The following FOCAD variants were observed in gnomAD, a reference collection of about 807,000 sequenced individuals.
FOCAD encodes focadhesin.
A neutral mutation model predicts 225.6 loss-of-function variants in FOCAD; 198 were observed. The ratio of observed to expected loss-of-function variants is 0.88; its 90% CI spans 0.78 to 0.99. The LOEUF (loss-of-function observed/expected upper bound fraction) is 0.99. FOCAD is among the 50% of genes least tolerant of loss of function. FOCAD has a pLI of 0.00. For missense variants in FOCAD, 2,713 were observed against 2,123.6 expected, an observed-to-expected ratio of 1.28 and a Z score of -5.46; for synonymous variants, 897 against 755.0, an observed-to-expected ratio of 1.19 and a Z score of -3.08.
At chr9:20,678,152 G>A (rs557545009) in intron 2 of FOCAD, among the ~76,000 whole-genome samples, 27 of 152,218 alleles carry the variant, frequency 1.8e-4, no homozygotes, top group African/African-American at 6.3e-4. Context: ...CTATCCCTTG[G>A]TGCTGGGAAC....
At chr9:20,801,655 G>T (rs10964709) in intron 11 of FOCAD, among the ~76,000 whole-genome samples, 1 of 152,002 alleles carries the variant, frequency 6.6e-6, no homozygotes, top group East Asian at 1.9e-4. Flanking sequence ...AAAGAATGGA[G>T]TAAAATACAT....
Position 20,823,003 on chromosome 9 carries a change from G to A in FOCAD, c.1808G>A (p.Gly603Asp), listed in dbSNP as rs1176874509. The change falls in exon 15 of 44, where the codon GGT becomes GAT. Residue 603 changes from glycine to aspartate, a missense_variant. By Grantham distance (94) the Gly-to-Asp change is moderately conservative. Transcript: ENST00000338382. ...DICKQRPYQH[G>D]ADMLAAISQV... Reference sequence around the variant, plus strand: ...ATTTCTTGTAGGCCATATCAACATGGTGCAGATATGTTGGCAGCTATTTCT... The same window carrying A: ...ATTTCTTGTAGGCCATATCAACATGATGCAGATATGTTGGCAGCTATTTCT... 3.7e-6 allele frequency: 6 copies of A among 1,603,434 alleles called. No homozygotes were observed. Among genetic ancestry groups the A allele is most frequent in the African/African-American group, 1.3e-5 (1 of 74,130 alleles).
At chr9:20,801,300 T>A (rs1040637135) in intron 11 of FOCAD, among the ~76,000 whole-genome samples, 1 of 152,124 alleles carries the variant, frequency 6.6e-6, no homozygotes, top group Non-Finnish European at 1.5e-5. Context: ...TTACAAGCAA[T>A]GCCGTTGAAA....
At chr9:20,917,823 A>C (rs1834001584) in intron 24 of FOCAD, among the ~76,000 whole-genome samples, 2 of 152,206 alleles carry the variant, frequency 1.3e-5, no homozygotes, top group South Asian at 2.1e-4. Context: ...TCTACCTTAG[A>C]GTTAGCTTTC....
chr9:20,868,045 G>A (rs531416761), intron 18 of FOCAD, among the ~76,000 whole-genome samples: 21 of 152,172 alleles, frequency 1.4e-4, no homozygotes, highest in Admixed American at 5.2e-4. Context: ...TAGATTGACC[G>A]CTTGTCATGC....
chr9:20,815,135 T>TG (rs1823559996), intron 11 of FOCAD, among the ~76,000 whole-genome samples: 2 of 41,490 alleles, frequency 4.8e-5, no homozygotes, highest in African/African-American at 9.1e-5. Flanking sequence ...TTTTTTTTTT[T>TG]TGTTTTTTTT....
chr9:20,785,012 G>A (rs1421492484), intron 10 of FOCAD, among the ~76,000 whole-genome samples: 1 of 151,754 alleles, frequency 6.6e-6, no homozygotes, highest in Non-Finnish European at 1.5e-5. Context: ...TGGTAAAATG[G>A]GCAACAAAAC....
intron 19 of FOCAD, among the ~76,000 whole-genome samples, chr9:20,881,537 G>A (rs1830666023): frequency 6.6e-6 from 1 of 152,140 alleles, no homozygotes; most frequent in Non-Finnish European, 1.5e-5. Flanking sequence ...GTTTGTATGA[G>A]GAGGACAAAA....
At chr9:20,721,673 G>T (rs921779470) in intron 4 of FOCAD, among the ~76,000 whole-genome samples, 2 of 152,146 alleles carry the variant, frequency 1.3e-5, no homozygotes, top group Non-Finnish European at 1.5e-5. Flanking sequence ...CTGCACTCCA[G>T]CCTGGGTGAC....
intron 15 of FOCAD, among the ~76,000 whole-genome samples, chr9:20,845,607 C>G (rs955301810): frequency 6.6e-6 from 1 of 151,802 alleles, no homozygotes; most frequent in African/African-American, 2.4e-5. Context: ...AACTGTAGCA[C>G]ATATCTCTGA....
intron 28 of FOCAD, among the ~76,000 whole-genome samples, chr9:20,933,887 T>TA (rs1263965222): frequency 2.0e-5 from 3 of 150,886 alleles, no homozygotes; most frequent in African/African-American, 7.3e-5. Context: ...ATTTTTTTTT[T>TA]ATTATGGCCA....
rs565421767 is a variant in FOCAD, at chr9:20,882,792, G to A, written c.2503+736G>A. The stretch of plus-strand genomic sequence containing the variant: ...GGCCAATTTCTCTCAAGTTATTTGC[G>A]ACATTTTGAAGCTTTATGGGATGGA... On this transcript the variant is annotated intron_variant, in intron 20 of 43. Transcript: ENST00000338382. Among the ~76,000 whole-genome samples the A allele has an allele frequency of 1.2e-4, 19 of 152,246 alleles. No individual in the cohort carries two copies. In the South Asian group the frequency reaches 3.7e-3, roughly 30 times the overall value.
At chr9:20,757,470 A>G (rs1275444052) in intron 5 of FOCAD, among the ~76,000 whole-genome samples, 2 of 152,182 alleles carry the variant, frequency 1.3e-5, no homozygotes, top group Non-Finnish European at 2.9e-5. Flanking sequence ...AGGTATCTTA[A>G]TAGAAGTAGC....
At chr9:20,785,011 G>C (rs1819769827) in intron 10 of FOCAD, among the ~76,000 whole-genome samples, 1 of 151,866 alleles carries the variant, frequency 6.6e-6, no homozygotes, top group Middle Eastern at 3.2e-3. Context: ...CTGGTAAAAT[G>C]GGCAACAAAA....
chr9:20,940,914 C>A (rs28609738), intron 28 of FOCAD, among the ~76,000 whole-genome samples: 7 of 152,054 alleles, frequency 4.6e-5, no homozygotes, highest in African/African-American at 1.2e-4. Flanking sequence ...GGACAGTATA[C>A]TGTGTATTTA....
At chr9:20,802,541 G>C (rs1821960045) in intron 11 of FOCAD, among the ~76,000 whole-genome samples, 1 of 151,986 alleles carries the variant, frequency 6.6e-6, no homozygotes, top group Non-Finnish European at 1.5e-5. Context: ...ACAGTTCTTG[G>C]GCTTTGGTAT....
intron 4 of FOCAD, among the ~76,000 whole-genome samples, chr9:20,731,782 T>C (rs1253176230): frequency 2.0e-5 from 3 of 151,928 alleles, no homozygotes; most frequent in Non-Finnish European, 4.4e-5. Flanking sequence ...CACCCCCAGC[T>C]AATTTTGTAT....
intron 1 of FOCAD, among the ~76,000 whole-genome samples, chr9:20,710,156 A>T (rs1354531293): frequency 6.6e-6 from 1 of 151,412 alleles, no homozygotes; most frequent in Non-Finnish European, 1.5e-5. Flanking sequence ...TTCTGTGGAT[A>T]CTGTAAAGTC....
intron 32 of FOCAD, 21 bp from the exon 33 acceptor site, chr9:20,949,583 T>TA: frequency 1.1e-6 from 1 of 948,688 alleles, no homozygotes; most frequent in Non-Finnish European, 1.6e-6. Flanking sequence ...GTGGGATGGG[T>TA]ATTTCTTCTT....
Sources: allele counts gnomAD v4.1 joint callset (sites outside exome capture counted in the v4.1 genomes callset), GRCh38; gene constraint gnomAD v4.1.1; transcripts MANE v1.5; gene names NCBI Gene and HGNC (gene_info 2026-07-23, HGNC 2026-07-21).